SPINK5: variants seen among roughly 807,000 people sequenced by gnomAD.
SPINK5 encodes the protein serine peptidase inhibitor Kazal type 5.
A neutral mutation model predicts 151.8 loss-of-function variants in SPINK5; 125 were observed. The ratio of observed to expected loss-of-function variants is 0.82; its 90% CI spans 0.71 to 0.96. SPINK5 has a LOEUF of 0.96. Ranked by LOEUF, SPINK5 falls within the 40% of genes least tolerant of loss-of-function variation. The pLI is 0.00. For synonymous variants in SPINK5, 374 were observed against 395.3 expected (o/e 0.95, Z 0.64); for missense variants, 1,194 against 1,291.9 (o/e 0.92, Z 1.16).
rs1327632549 is a variant in SPINK5, at chr5:148,100,574, G to A, written c.1213G>A (p.Val405Ile). The A allele has an allele frequency of 6.2e-7, 1 of 1,613,040 alleles. No individual in the cohort carries two copies. Among genetic ancestry groups the A allele is most frequent in the East Asian group, 2.2e-5 (1 of 44,820 alleles). ...TGGCAACACCTGCTCCATGTGTGAG[G>A]TCTTCTTGTGAGTAGCCCTGCAGCT... Reference protein sequence around the residue: ...VHGNTCSMCEVFFQAEEEEKK... With the variant: ...VHGNTCSMCEIFFQAEEEEKK... Residue 405 changes from valine (V) to isoleucine (I), a missense_variant, in exon 13 of 33, where the codon GTC (valine) becomes ATC (isoleucine). Coordinates refer to ENST00000256084, the MANE Select transcript of SPINK5 (RefSeq NM_006846.4).
intron 4 of SPINK5, among the ~76,000 whole-genome samples, chr5:148,086,125 C>T (rs867113854): frequency 6.6e-6 from 1 of 151,890 alleles, no homozygotes; most frequent in African/African-American, 2.4e-5. Context: ...ATTGGACAGA[C>T]GAACAACATG....
chr5:148,126,450 A>G (rs1296214352), intron 29 of SPINK5, among the ~76,000 whole-genome samples: 1 of 152,198 alleles, frequency 6.6e-6, no homozygotes, highest in East Asian at 1.9e-4. Flanking sequence ...TAGAAAATCA[A>G]AACTTCAGAA....
intron 6 of SPINK5, 123 bp downstream of exon 6, chr5:148,088,728 A>G: frequency 2.1e-6 from 2 of 963,370 alleles, no homozygotes; most frequent in South Asian, 2.8e-5. Context: ...TTTATGTGAA[A>G]TGGAATACCC....
intron 30 of SPINK5, among the ~76,000 whole-genome samples, chr5:148,129,809 C>T (rs894210244): frequency 1.8e-4 from 27 of 151,992 alleles, no homozygotes; most frequent in Non-Finnish European, 2.9e-4. Context: ...TTTTCTATGT[C>T]GTCTTTGTAT....
At chr5:148,123,727 CTG>C in intron 26 of SPINK5, 104 bp from the exon 27 acceptor site, 9 of 1,502,742 alleles carry the variant, frequency 6.0e-6, no homozygotes, top group Non-Finnish European at 8.2e-6. Context: ...TTTCACTTCT[CTG>C]TTTTTTTCCT....
At chr5:148,100,672 T>G in intron 13 of SPINK5, 91 bp downstream of exon 13, 1 of 1,444,852 alleles carries the variant, frequency 6.9e-7, no homozygotes, top group South Asian at 1.2e-5. Context: ...CACTTCAACA[T>G]AAAAATGAAA....
chr5:148,089,448 G>A, intron 6 of SPINK5, 46 bp from the exon 7 acceptor site: 1 of 1,610,786 alleles, frequency 6.2e-7, no homozygotes, highest in Non-Finnish European at 8.5e-7. Flanking sequence ...AGTGTTGTCA[G>A]CATTACAATC....
chr5:148,096,522 G>A (rs761631802), intron 10 of SPINK5, among the ~76,000 whole-genome samples: 20 of 151,858 alleles, frequency 1.3e-4, no homozygotes, highest in Non-Finnish European at 2.4e-4. Context: ...ATGGTTCCAC[G>A]AGTCAGCGAT....
At chr5:148,079,917 AAATT>A (rs949370243) in intron 4 of SPINK5, among the ~76,000 whole-genome samples, 8 of 151,084 alleles carry the variant, frequency 5.3e-5, no homozygotes, top group Non-Finnish European at 7.4e-5. Flanking sequence ...GTATAAGGCA[AAATT>A]AATTAATTAA....
chr5:148,072,769 TG>T (rs1415014822), intron 4 of SPINK5, among the ~76,000 whole-genome samples: 1 of 151,886 alleles, frequency 6.6e-6, no homozygotes, highest in East Asian at 1.9e-4. Context: ...TTCCAGTACC[TG>T]GAGGGTCCTC....
Position 148,095,897 on chromosome 5 carries a change from G to A in SPINK5, c.874G>A (p.Glu292Lys). The change falls in exon 10 of 33, where the codon GAA (glutamate) becomes AAA (lysine). Residue 292 changes from glutamate (E) to lysine (K), a missense_variant. By Grantham distance (56) the Glu-to-Lys change is moderately conservative. Coordinates refer to ENST00000256084, the MANE Select transcript of SPINK5 (RefSeq NM_006846.4). ...KAEEKTKVKR[E>K]IVKLCSQYQN... ...TGAAGAAAAAACTAAAGTTAAAAGAGAAATTGTGGTGAGAATCAGTTTGAT... is the reference window on the plus strand; with the variant it reads ...TGAAGAAAAAACTAAAGTTAAAAGAAAAATTGTGGTGAGAATCAGTTTGAT... 1 of 1,611,272 alleles carries A rather than the reference G, an allele frequency of 6.2e-7. No individual in the cohort carries two copies.
At chr5:148,130,880 G>A (rs960140737) in intron 30 of SPINK5, among the ~76,000 whole-genome samples, 1 of 152,086 alleles carries the variant, frequency 6.6e-6, no homozygotes, top group Non-Finnish European at 1.5e-5. Flanking sequence ...TTACCTCTGA[G>A]TCTTTCCTTT....
chr5:148,071,759 A>G (rs1752744120), intron 3 of SPINK5, among the ~76,000 whole-genome samples: 1 of 152,064 alleles, frequency 6.6e-6, no homozygotes, highest in Admixed American at 6.6e-5. Flanking sequence ...ATGGAAAAGA[A>G]AATTGATTTG....
chr5:148,101,961 C>T (rs1055386191), intron 15 of SPINK5, 53 bp downstream of exon 15: 42 of 1,611,104 alleles, frequency 2.6e-5, no homozygotes, highest in Non-Finnish European at 3.5e-5. Flanking sequence ...TGGGAATTTC[C>T]ATGGGAAGTT....
Position 148,108,839 on chromosome 5 carries a change from T to TA in SPINK5, c.1692+3dup, listed in dbSNP as rs772849324. ...AAAGTTAAGAGAGAAGCAGTTCAGG[T>TA]AGTTGTTTGAGATCATCAGAGCCAC... On this transcript the variant is annotated splice_region_variant and intron_variant, in intron 18 of 32. Transcript: ENST00000256084. 6.2e-7 allele frequency: 1 copy of TA among 1,611,962 alleles called. No homozygotes were observed. Among genetic ancestry groups the TA allele is most frequent in the Admixed American group, 1.7e-5 (1 of 59,920 alleles).
chr5:148,106,035 T>G (rs1441678118), intron 16 of SPINK5, among the ~76,000 whole-genome samples: 1 of 152,078 alleles, frequency 6.6e-6, no homozygotes. Context: ...TTTTTTTAAA[T>G]AAGTGTTTCT....
intron 17 of SPINK5, among the ~76,000 whole-genome samples, chr5:148,108,230 G>A (rs1753831504): frequency 6.6e-6 from 1 of 152,182 alleles, no homozygotes; most frequent in Non-Finnish European, 1.5e-5. Flanking sequence ...ATTAGCAGTT[G>A]AATCTAACTG....
In SPINK5 at chr5:148,099,124, C is replaced by A. The variant is rs1255657202; in HGVS notation, c.1011-110C>A. ...TCATTGATATGCAGTGATAAAGGGA[C>A]AAAATTGTTCCACTCTAAGGAGGGA... is the stretch of plus-strand genomic sequence containing the variant. On this transcript the variant is annotated intron_variant, in intron 11 of 32. Transcript: ENST00000256084. 1.2e-5 allele frequency: 12 copies of A among 983,002 alleles called. 1 individual carries two copies. Among genetic ancestry groups the A allele is most frequent in the Non-Finnish European group, 1.9e-5 (12 of 638,876 alleles). The allele number at this position is 983,002 out of a possible 1,614,324, so 60.9% of individuals were successfully genotyped here. A position where few individuals can be genotyped will look rare whatever the true frequency, so the allele number is the denominator to read the frequency against.
chr5:148,131,224 A>T (rs768002529), intron 30 of SPINK5, 35 bp from the exon 31 acceptor site: 4 of 1,613,116 alleles, frequency 2.5e-6, no homozygotes, highest in Non-Finnish European at 3.4e-6. Flanking sequence ...CTTGAATGCC[A>T]TAAAGTACGT....
Sources: gnomAD v4.1 joint callset for allele counts (sites outside exome capture counted in the v4.1 genomes callset) on GRCh38, gnomAD v4.1.1 for gene constraint, MANE v1.5 for transcripts, NCBI Gene and HGNC (gene_info 2026-07-23, HGNC 2026-07-21) for gene names.